The following KLHL4 variants were observed in gnomAD, a reference collection of about 807,000 sequenced individuals.
KLHL4 encodes kelch-like protein 4.
KLHL4 carries 17 observed loss-of-function variants against 45.8 expected under a neutral mutation model. The observed-to-expected ratio is 0.37, with a 90% CI of 0.25 to 0.56. The LOEUF (loss-of-function observed/expected upper bound fraction) is 0.56, where lower values mean the gene tolerates loss of function less well. KLHL4 is among the 20% of genes least tolerant of loss of function. KLHL4 has a pLI of 0.79. For synonymous variants in KLHL4, 224 were observed against 189.9 expected (o/e 1.18, Z -1.47); for missense variants, 544 against 544.9 (o/e 1.00, Z 0.02).
At chrX:87,570,595 G>A (rs1932317019) in intron 1 of KLHL4, among the ~76,000 whole-genome samples, 1 of 110,630 alleles carries the variant, frequency 9.0e-6, no homozygotes, top group Non-Finnish European at 1.9e-5. Flanking sequence ...AATTAACCCA[G>A]GTATAGCTAG....
chrX:87,570,458 C>A (rs1022022522), intron 1 of KLHL4, among the ~76,000 whole-genome samples: 60 of 110,453 alleles, frequency 5.4e-4, no homozygotes, highest in African/African-American at 1.5e-3. Context: ...GAGAAGTATA[C>A]TGAGAATGAC....
intron 9 of KLHL4, among the ~76,000 whole-genome samples, chrX:87,662,886 C>T (rs1233163954): frequency 3.9e-5 from 4 of 102,362 alleles, no homozygotes; most frequent in East Asian, 3.1e-4. Flanking sequence ...GCCCAGATCG[C>T]GCCACTGCAC....
At chrX:87,566,166 A>G (rs1359504168) in intron 1 of KLHL4, among the ~76,000 whole-genome samples, 1 of 111,713 alleles carries the variant, frequency 9.0e-6, no homozygotes, top group Non-Finnish European at 1.9e-5. Context: ...TTTAAAAATA[A>G]TAAACCTCAA....
intron 1 of KLHL4, among the ~76,000 whole-genome samples, chrX:87,543,097 G>C (rs759901230): frequency 9.9e-5 from 11 of 111,012 alleles, no homozygotes; most frequent in Non-Finnish European, 2.1e-4. Flanking sequence ...GAAGGTGCCT[G>C]CTACCCCTTT....
intron 1 of KLHL4, among the ~76,000 whole-genome samples, chrX:87,585,852 G>C (rs1421963178): frequency 9.0e-6 from 1 of 110,659 alleles, no homozygotes; most frequent in African/African-American, 3.3e-5. Context: ...AAAAAGACAA[G>C]ACTCATTGAT....
chrX:87,529,231 G>T (rs1203307983), intron 1 of KLHL4, among the ~76,000 whole-genome samples: 5 of 111,122 alleles, frequency 4.5e-5, no homozygotes, highest in Non-Finnish European at 9.4e-5. Flanking sequence ...ATCAAAAGAT[G>T]ATAATTACTA....
chrX:87,607,422 T>C (rs372441643), intron 1 of KLHL4, among the ~76,000 whole-genome samples: 2 of 111,430 alleles, frequency 1.8e-5, no homozygotes, highest in East Asian at 5.6e-4. Context: ...GCCAACCCAC[T>C]AACTTTCACA....
At chrX:87,607,874 A>C (rs1260960294) in intron 1 of KLHL4, among the ~76,000 whole-genome samples, 3 of 111,783 alleles carry the variant, frequency 2.7e-5, no homozygotes, top group Non-Finnish European at 3.8e-5. Context: ...CCATGGCCTT[A>C]AATGTCATTG....
At position 87,666,658 on chromosome X, in the gene KLHL4, T is replaced by C. The variant is rs1465393914; in HGVS notation, c.*124T>C. 3 of 1,008,006 alleles carry C rather than the reference T, an allele frequency of 3.0e-6. No homozygotes were observed. Among genetic ancestry groups the C allele is most frequent in the Non-Finnish European group, 3.8e-6 (3 of 792,295 alleles). The allele number at this position is 1,008,006 out of a possible 1,213,427, so 83.1% of individuals were successfully genotyped here. On this transcript the variant is annotated 3_prime_UTR_variant, in exon 11 of 11. Transcript: ENST00000373119. The stretch of plus-strand genomic sequence containing the variant: ...ATAATCAGACTGGAAAATTGTTGTA[T>C]CATTTTAATTTGTAGTTACAATTGC...
intron 1 of KLHL4, among the ~76,000 whole-genome samples, chrX:87,599,019 G>T (rs1487122998): frequency 9.1e-6 from 1 of 110,366 alleles, no homozygotes; most frequent in Non-Finnish European, 1.9e-5. Context: ...AACATATTTA[G>T]TCATTATGTG....
chrX:87,583,140 G>C (rs190045146), intron 1 of KLHL4, among the ~76,000 whole-genome samples: 1 of 112,205 alleles, frequency 8.9e-6, no homozygotes, highest in Admixed American at 9.4e-5. Context: ...GCTAGCTACA[G>C]GGTGTTAATT....
intron 1 of KLHL4, among the ~76,000 whole-genome samples, chrX:87,534,203 A>G (rs1288370375): frequency 9.0e-6 from 1 of 111,484 alleles, no homozygotes; most frequent in Admixed American, 9.6e-5. Flanking sequence ...CTTTCCTGAC[A>G]TTGCTAAATA....
chrX:87,654,310 A>G (rs1303204491), intron 9 of KLHL4, among the ~76,000 whole-genome samples: 1 of 110,853 alleles, frequency 9.0e-6, no homozygotes, highest in South Asian at 3.8e-4. Context: ...CTGCCTCACT[A>G]TTCTGTCTCC....
intron 1 of KLHL4, among the ~76,000 whole-genome samples, chrX:87,573,722 C>A (rs993434070): frequency 9.0e-6 from 1 of 111,643 alleles, no homozygotes; most frequent in Non-Finnish European, 1.9e-5. Context: ...TATTATAAAA[C>A]TTTGTGCTCA....
intron 1 of KLHL4, among the ~76,000 whole-genome samples, chrX:87,579,562 G>A (rs935773800): frequency 6.3e-5 from 7 of 111,155 alleles, no homozygotes; most frequent in African/African-American, 2.3e-4. Flanking sequence ...AAAAAGTCTA[G>A]GAGAGAGAAT....
rs1357932324 is a variant in KLHL4 at position 87,627,357 on chromosome X, GA to G, written c.1324+1571del. On this transcript the variant is annotated intron_variant, in intron 6 of 10. Coordinates refer to ENST00000373119, the MANE Select transcript of KLHL4 (RefSeq NM_019117.5). ...GGAAATGAGGAAAGGAAAGGGGATA[GA>G]AAAAAAAAAGTTTAAAAACTTGGTT... Among the ~76,000 whole-genome samples, 738 of 104,519 alleles carry G rather than the reference GA, an allele frequency of 7.1e-3. 4 individuals are homozygous for G. The highest frequency in any genetic ancestry group is 0.018 in the African/African-American group (526 of 28,851). 90.8% of individuals were successfully genotyped at this position (104,519 alleles called of 115,157 possible). A position where few individuals can be genotyped will look rare whatever the true frequency, so the allele number is the denominator to read the frequency against.
rs1924385967 is a variant in KLHL4, at chrX:87,666,844, C to T, written c.*310C>T. On this transcript the variant is annotated 3_prime_UTR_variant, in exon 11 of 11. Transcript: ENST00000373119. The stretch of plus-strand genomic sequence containing the variant: ...ATTTAATGAAAATTGATGGTGGCCA[C>T]AGTGTGCAGGTTATAAAAGCATTAA... The T allele has an allele frequency of 1.3e-6, 1 of 779,698 alleles. No homozygotes were observed. Among genetic ancestry groups the T allele is most frequent in the Non-Finnish European group, 1.5e-6 (1 of 650,261 alleles). The allele number at this position is 779,698 out of a possible 1,213,427, so 64.3% of individuals were successfully genotyped here.
At chrX:87,604,357 A>G (rs966052940) in intron 1 of KLHL4, among the ~76,000 whole-genome samples, 2 of 111,363 alleles carry the variant, frequency 1.8e-5, no homozygotes, top group African/African-American at 6.5e-5. Context: ...TTTCCATAGT[A>G]GCTGTACTAA....
chrX:87,640,581 T>TA (rs1432751431), intron 9 of KLHL4, among the ~76,000 whole-genome samples: 2 of 111,862 alleles, frequency 1.8e-5, no homozygotes, highest in East Asian at 2.8e-4. Context: ...AATATTTTTT[T>TA]AAAAAATCAC....
Sources: allele counts gnomAD v4.1 joint callset (sites outside exome capture counted in the v4.1 genomes callset), GRCh38; gene constraint gnomAD v4.1.1; transcripts MANE v1.5; gene names NCBI Gene and HGNC (gene_info 2026-07-23, HGNC 2026-07-21).